Variants in RIMBP2 observed in about 807,000 individuals in gnomAD.
RIMBP2 encodes the protein RIMS binding protein 2, also known as RIMS-binding protein 2.
A neutral mutation model predicts 118.6 loss-of-function variants in RIMBP2; 48 were observed. The observed-to-expected ratio is 0.40, with a 90% confidence interval of 0.32 to 0.51. The LOEUF (loss-of-function observed/expected upper bound fraction) is 0.51, where lower values mean the gene tolerates loss of function less well. Among genes scored for constraint, RIMBP2 ranks in the 20% least tolerant of loss-of-function variants. RIMBP2 has a pLI of 0.41. For missense variants in RIMBP2, 1,551 were observed against 1,768.3 expected, an observed-to-expected ratio of 0.88 and a Z score of 2.20; for synonymous variants, 762 against 742.9, an observed-to-expected ratio of 1.03 and a Z score of -0.42.
At position 130,589,062 on chromosome 12, in the gene RIMBP2, C is replaced by T. The variant is rs181506855; in HGVS notation, c.-217+39260G>A. On this transcript the variant is annotated intron_variant, in intron 2 of 22. Coordinates refer to ENST00000690449, the MANE Select transcript of RIMBP2 (RefSeq NM_001393629.1). Reference sequence around the variant, plus strand: ...TCCTAAGAGAAGTCGGAGACTGTGTCGATAAGACTTGCTAACCAGTAATTG... The same window carrying T: ...TCCTAAGAGAAGTCGGAGACTGTGTTGATAAGACTTGCTAACCAGTAATTG... 9.8e-5 allele frequency among the ~76,000 whole-genome samples: 15 copies of T among 152,334 alleles called. 1 individual carries two copies. The East Asian group carries it at 2.5e-3, about 25-fold the overall frequency.
intron 18 of RIMBP2, among the ~76,000 whole-genome samples, chr12:130,413,863 G>A (rs1365830866): frequency 6.6e-6 from 1 of 152,014 alleles, no homozygotes; most frequent in Non-Finnish European, 1.5e-5. Flanking sequence ...TCTCAACAAC[G>A]TAGGCCCTAA....
chr12:130,408,481 G>A (rs770949760), intron 19 of RIMBP2, among the ~76,000 whole-genome samples: 13 of 152,206 alleles, frequency 8.5e-5, no homozygotes, highest in Non-Finnish European at 1.9e-4. Flanking sequence ...CCCACGGCCT[G>A]GCTCTGTCTC....
At chr12:130,409,807 G>C (rs753062054) in intron 19 of RIMBP2, among the ~76,000 whole-genome samples, 14 of 152,198 alleles carry the variant, frequency 9.2e-5, no homozygotes, top group Non-Finnish European at 1.2e-4. Context: ...CACCTGAGTT[G>C]TTTCCAGATT....
At chr12:130,406,038 T>G (rs2075140132) in intron 21 of RIMBP2, 134 bp downstream of exon 21, 1 of 632,230 alleles carries the variant, frequency 1.6e-6, no homozygotes, top group Non-Finnish European at 2.8e-6. Flanking sequence ...CTCAGCCAAT[T>G]AAGCAAAGCT....
intron 5 of RIMBP2, among the ~76,000 whole-genome samples, chr12:130,474,130 C>G (rs1258871378): frequency 6.6e-6 from 1 of 152,178 alleles, no homozygotes. Context: ...CCAGGCTGAC[C>G]ATTCACCTGG....
At chr12:130,535,858 A>G (rs981651159) in intron 2 of RIMBP2, among the ~76,000 whole-genome samples, 3 of 151,204 alleles carry the variant, frequency 2.0e-5, no homozygotes, top group African/African-American at 7.3e-5. Context: ...AGCTCACTAC[A>G]GCCTCAACCT....
chr12:130,668,772 G>GCA (rs1448264279), intron 1 of RIMBP2, among the ~76,000 whole-genome samples: 1 of 152,192 alleles, frequency 6.6e-6, no homozygotes, highest in Non-Finnish European at 1.5e-5. Context: ...TCTGGGCACA[G>GCA]CACAAGCTGT....
intron 2 of RIMBP2, among the ~76,000 whole-genome samples, chr12:130,602,650 TTGTC>T (rs2059940421): frequency 1.3e-5 from 2 of 152,226 alleles, no homozygotes; most frequent in Non-Finnish European, 2.9e-5. Flanking sequence ...ACTTTGATCA[TTGTC>T]TGATGCGTAA....
intron 21 of RIMBP2, among the ~76,000 whole-genome samples, chr12:130,402,385 T>A (rs1365228916): frequency 1.3e-5 from 2 of 152,066 alleles, no homozygotes; most frequent in Non-Finnish European, 2.9e-5. Flanking sequence ...TGACTGGCAG[T>A]CAGAACGCTG....
intron 2 of RIMBP2, among the ~76,000 whole-genome samples, chr12:130,593,546 G>A (rs765075526): frequency 6.6e-6 from 1 of 152,234 alleles, no homozygotes; most frequent in Admixed American, 6.5e-5. Context: ...CTTGGCGGCT[G>A]GAGGGAGAGG....
At chr12:130,433,080 A>T (rs1170593935) in intron 14 of RIMBP2, among the ~76,000 whole-genome samples, 1 of 152,122 alleles carries the variant, frequency 6.6e-6, no homozygotes, top group Non-Finnish European at 1.5e-5. Flanking sequence ...AACAGGCGCT[A>T]TGGGACTCCT....
At chr12:130,585,059 T>A (rs568975966) in intron 2 of RIMBP2, among the ~76,000 whole-genome samples, 67 of 152,224 alleles carry the variant, frequency 4.4e-4, no homozygotes, top group African/African-American at 1.4e-3. Context: ...AATTTTTTTT[T>A]AAATTGTCTT....
At chr12:130,513,523 CT>C (rs11287077) in intron 3 of RIMBP2, among the ~76,000 whole-genome samples, 149,027 of 152,316 alleles carry the variant, frequency 0.98, 72,992 homozygotes, top group East Asian at 1. Context: ...GAGGAGGGAG[CT>C]TTAACAGGCA....
At chr12:130,686,763 G>A (rs1410633867) in intron 1 of RIMBP2, among the ~76,000 whole-genome samples, 1 of 152,230 alleles carries the variant, frequency 6.6e-6, no homozygotes, top group Non-Finnish European at 1.5e-5. Context: ...GCGCCGTCGG[G>A]GGCCTGGGGC....
intron 4 of RIMBP2, among the ~76,000 whole-genome samples, chr12:130,502,059 G>C (rs1327212004): frequency 6.6e-6 from 1 of 152,146 alleles, no homozygotes; most frequent in Non-Finnish European, 1.5e-5. Flanking sequence ...CCTCATTCAC[G>C]GCCCAACTGT....
Position 130,434,178 on chromosome 12 carries a change from T to C in RIMBP2, c.2253+556A>G, listed in dbSNP as rs960430203. ...GCCCTCGGTTATTTCCAGTCCCTCC[T>C]GTTGTCCAAGTTTTGTTCTTTACAG... On this transcript the variant is annotated intron_variant, in intron 14 of 22. Transcript: ENST00000690449. This position sits in a 1 kb window ranked among gnomAD's most constrained non-coding sequence, Gnocchi z 5.7. Among the ~76,000 whole-genome samples the C allele has an allele frequency of 6.6e-6, 1 of 152,248 alleles. No individual in the cohort carries two copies. Among genetic ancestry groups the C allele is most frequent in the Non-Finnish European group, 1.5e-5 (1 of 68,038 alleles).
chr12:130,547,636 T>C (rs570725710), intron 2 of RIMBP2, among the ~76,000 whole-genome samples: 8 of 152,304 alleles, frequency 5.3e-5, no homozygotes, highest in Admixed American at 4.6e-4. Context: ...GGAAATGAAA[T>C]GCCTGAGCTA....
At chr12:130,674,707 G>C (rs1355056443) in intron 1 of RIMBP2, among the ~76,000 whole-genome samples, 2 of 152,142 alleles carry the variant, frequency 1.3e-5, no homozygotes, top group Non-Finnish European at 2.9e-5. Flanking sequence ...CCATTGCCTA[G>C]TTCCAAAACC....
In RIMBP2 at chr12:130,447,645, C is replaced by A. The variant is rs2078647105; in HGVS notation, c.582-2376G>T. Among the ~76,000 whole-genome samples the A allele has an allele frequency of 6.6e-6, 1 of 152,164 alleles. No individual in the cohort carries two copies. The highest frequency in any genetic ancestry group is 2.1e-4 in the South Asian group (1 of 4,824). On this transcript the variant is annotated intron_variant, in intron 9 of 22. Transcript: ENST00000690449. The surrounding 1 kb of genome is among the most constrained non-coding windows in gnomAD (Gnocchi z 4.4). ...AGCACAGCAGTGGCCCTGGGCGGCA[C>A]ACTGCAAGTGGGTGAACTGTGCAGT... is the stretch of plus-strand genomic sequence containing the variant.
Sources: gnomAD v4.1 joint callset for allele counts (sites outside exome capture counted in the v4.1 genomes callset) on GRCh38, gnomAD v4.1.1 for gene constraint, Gnocchi (gnomAD v3.1) non-coding constraint, MANE v1.5 for transcripts, NCBI Gene and HGNC (gene_info 2026-07-23, HGNC 2026-07-21) for gene names.